Variants in LRRC63 observed in about 807,000 individuals in gnomAD.
The protein encoded by LRRC63 is leucine-rich repeat-containing protein 63.
In LRRC63, 40 loss-of-function variants were observed where a neutral mutation model predicts 49.5. That is an observed-to-expected ratio of 0.81 (90% confidence interval 0.63 to 1.05). The LOEUF is 1.05. Ranked by LOEUF, LRRC63 falls within the 50% of genes least tolerant of loss-of-function variation. The probability of loss-of-function intolerance (pLI) is 0.00; values close to 1 mark genes in which losing one functional copy is unlikely to be tolerated. For missense variants in LRRC63, 636 were observed against 663.1 expected (o/e 0.96, Z 0.45); for synonymous variants, 191 against 221.1 (o/e 0.86, Z 1.21).
At chr13:46,261,801 A>G (rs1216063131) in intron 7 of LRRC63, 108 bp from the exon 8 acceptor site, 1 of 368,708 alleles carries the variant, frequency 2.7e-6, no homozygotes, top group Non-Finnish European at 4.9e-6. Flanking sequence ...AAATTTCAAG[A>G]TCTTAGAAAT....
chr13:46,246,360 T>G (rs2047212256), intron 5 of LRRC63, among the ~76,000 whole-genome samples, 167 bp from the exon 6 acceptor site: 1 of 152,204 alleles, frequency 6.6e-6, no homozygotes. Context: ...AAGAAATTAT[T>G]ATCATGACAG....
In LRRC63 at chr13:46,270,650, G is replaced by A. The variant is rs140038654; in HGVS notation, c.1550+3678G>A. On this transcript the variant is annotated intron_variant, in intron 9 of 9. Coordinates refer to ENST00000595396, the Ensembl canonical transcript of LRRC63. ...ACTGACATGGAGCAAAAAGCAAAGT[G>A]GGATTCTTGTTACCTGGCCTAAACC... The A allele has an allele frequency of 5.8e-4, 462 of 790,096 alleles. 1 individual carries two copies. The African/African-American group carries it at 7.2e-3, about 12-fold the overall frequency. The allele number at this position is 790,096 out of a possible 1,614,324, so 48.9% of individuals were successfully genotyped here. A position where few individuals can be genotyped will look rare whatever the true frequency, so the allele number is the denominator to read the frequency against.
At chr13:46,219,008 G>A (rs996186598) in intron 2 of LRRC63, among the ~76,000 whole-genome samples, 3 of 152,144 alleles carry the variant, frequency 2.0e-5, no homozygotes, top group South Asian at 2.1e-4. Context: ...AGGGTAACCC[G>A]ACCTTTCTCT....
chr13:46,264,395 T>C (rs2047654023), intron 8 of LRRC63, among the ~76,000 whole-genome samples: 1 of 152,160 alleles, frequency 6.6e-6, no homozygotes, highest in South Asian at 2.1e-4. Flanking sequence ...CTGTCTTCCA[T>C]GGTACCTAGA....
chr13:46,231,087 A>G (rs1369569883), intron 4 of LRRC63, among the ~76,000 whole-genome samples: 1 of 152,188 alleles, frequency 6.6e-6, no homozygotes, highest in Non-Finnish European at 1.5e-5. Flanking sequence ...CAATATAAAT[A>G]TCAACATTTT....
intron 5 of LRRC63, among the ~76,000 whole-genome samples, chr13:46,237,503 C>A (rs1206318979): frequency 6.6e-6 from 1 of 151,974 alleles, no homozygotes; most frequent in Non-Finnish European, 1.5e-5. Context: ...GAAGAAAAAT[C>A]TCAAATTAAG....
In LRRC63 at chr13:46,227,659, G is replaced by C. The variant is rs898249018; in HGVS notation, c.233G>C (p.Cys78Ser). 4.5e-6 allele frequency: 7 copies of C among 1,550,162 alleles called. No homozygotes were observed. In the African/African-American group the frequency reaches 9.6e-5, roughly 21 times the overall value. The change falls in exon 3 of 10, where the codon TGT becomes TCT. Residue 78 changes from cysteine to serine, a missense_variant. Physicochemically the swap from Cys to Ser is moderately radical, Grantham distance 112. Transcript: ENST00000595396. ...ATCCAAAATATCTTTCTTGATCACT[G>C]TGTACAAGAAAGAGTGACTGCAATT...
intron 9 of LRRC63, among the ~76,000 whole-genome samples, chr13:46,274,086 AGGGGAAGGCT>A (rs2047798489): frequency 6.6e-6 from 1 of 152,138 alleles, no homozygotes; most frequent in African/African-American, 2.4e-5. Context: ...AGACTAGTGC[AGGGGAAGGCT>A]GGGTGGAGGT....
chr13:46,237,902 A>G (rs1354731250), intron 5 of LRRC63, among the ~76,000 whole-genome samples: 1 of 152,182 alleles, frequency 6.6e-6, no homozygotes, highest in Non-Finnish European at 1.5e-5. Context: ...AAGAACAAAA[A>G]AAATCCGAGC....
intron 7 of LRRC63, among the ~76,000 whole-genome samples, chr13:46,258,800 T>G (rs1324483503): frequency 1.7e-5 from 2 of 119,714 alleles, no homozygotes; most frequent in African/African-American, 3.7e-5. Flanking sequence ...AGAGCAAGAC[T>G]CTGTCTCAAA....
intron 6 of LRRC63, 32 bp from the exon 7 acceptor site, chr13:46,250,323 G>T (rs763192447): frequency 1.4e-6 from 2 of 1,439,232 alleles, no homozygotes; most frequent in African/African-American, 1.4e-5. Context: ...TTATTATTCC[G>T]CTCATGTTTG....
At chr13:46,226,821 T>G (rs753399814) in intron 2 of LRRC63, among the ~76,000 whole-genome samples, 7 of 152,214 alleles carry the variant, frequency 4.6e-5, no homozygotes, top group Non-Finnish European at 1.5e-5. Context: ...TTAATGAATC[T>G]ATTATCTCCT....
At chr13:46,273,601 T>TA (rs66994107) in intron 9 of LRRC63, among the ~76,000 whole-genome samples, 42,212 of 109,286 alleles carry the variant, frequency 0.39, 8,092 homozygotes, top group East Asian at 0.59. Flanking sequence ...GAATCTGCCT[T>TA]AAAAAAAAAA....
chr13:46,240,239 G>T (rs2047022345), intron 5 of LRRC63, among the ~76,000 whole-genome samples: 1 of 149,784 alleles, frequency 6.7e-6, no homozygotes, highest in South Asian at 2.1e-4. Flanking sequence ...TCATTCTCCT[G>T]CCTCAGCCTC....
At chr13:46,225,202 A>G (rs1015767640) in intron 2 of LRRC63, among the ~76,000 whole-genome samples, 1 of 152,222 alleles carries the variant, frequency 6.6e-6, no homozygotes, top group African/African-American at 2.4e-5. Flanking sequence ...GTCACCACCC[A>G]CAGTTCCAGA....
intron 2 of LRRC63, among the ~76,000 whole-genome samples, chr13:46,216,751 A>G (rs1038217223): frequency 3.9e-5 from 6 of 152,290 alleles, no homozygotes; most frequent in African/African-American, 7.2e-5. Flanking sequence ...TGCCATAAAT[A>G]GCTCTTATTA....
At chr13:46,251,929 G>A (rs1020172869) in intron 7 of LRRC63, among the ~76,000 whole-genome samples, 1 of 151,842 alleles carries the variant, frequency 6.6e-6, no homozygotes, top group Non-Finnish European at 1.5e-5. Flanking sequence ...GGACAAATAA[G>A]TATGAATTGT....
intron 7 of LRRC63, among the ~76,000 whole-genome samples, chr13:46,254,987 G>A (rs939190201): frequency 2.6e-5 from 4 of 152,114 alleles, no homozygotes; most frequent in African/African-American, 4.8e-5. Flanking sequence ...GTTTTTATTC[G>A]CAATAATCAA....
At chr13:46,227,725 T>G in exon 3 of LRRC63, 3 of 1,550,446 alleles carry the variant, frequency 1.9e-6, no homozygotes, top group Non-Finnish European at 2.6e-6. Flanking sequence ...CGTGAGCAGA[T>G]TCCAGATACT....
Sources: allele counts gnomAD v4.1 joint callset (sites outside exome capture counted in the v4.1 genomes callset), GRCh38; gene constraint gnomAD v4.1.1; transcripts MANE v1.5; gene names NCBI Gene and HGNC (gene_info 2026-07-23, HGNC 2026-07-21).